ATOSA: variants seen among roughly 807,000 people sequenced by gnomAD.
ATOSA encodes the protein atos homolog protein A.
At chr15:52,602,441 AT>A in the ATOSA span, among the ~76,000 whole-genome samples, 1 of 151,744 alleles carries the variant, frequency 6.6e-6, no homozygotes, top group South Asian at 2.1e-4. Flanking sequence ...GTGCTTTGTA[AT>A]TTTTTTTCCT....
the ATOSA span, among the ~76,000 whole-genome samples, chr15:52,589,850 C>T: frequency 2.0e-5 from 3 of 151,676 alleles, no homozygotes; most frequent in African/African-American, 4.8e-5. Context: ...TGCAGTGACA[C>T]GATCTTGGCT....
the ATOSA span, among the ~76,000 whole-genome samples, chr15:52,640,571 C>CAAAAAAAAA: frequency 6.9e-4 from 19 of 27,570 alleles, 5 homozygotes; most frequent in East Asian, 3.9e-3. Context: ...ACTCAAGTCT[C>CAAAAAAAAA]AAAAAAAAAA....
chr15:52,676,801 AAT>A, the ATOSA span, among the ~76,000 whole-genome samples: 16 of 152,232 alleles, frequency 1.1e-4, no homozygotes, highest in Non-Finnish European at 1.6e-4. Flanking sequence ...ATTCAAAATA[AAT>A]AGTGACTTTG....
chr15:52,650,660 C>A, the ATOSA span, among the ~76,000 whole-genome samples: 3 of 152,084 alleles, frequency 2.0e-5, no homozygotes, highest in African/African-American at 7.2e-5. Flanking sequence ...AAAAGAACAA[C>A]AACAAAACCC....
At chr15:52,670,024 T>G in the ATOSA span, among the ~76,000 whole-genome samples, 29 of 152,198 alleles carry the variant, frequency 1.9e-4, no homozygotes, top group Admixed American at 5.2e-4. Context: ...TTCATTAGGG[T>G]CTACTATCAC....
the ATOSA span, among the ~76,000 whole-genome samples, chr15:52,597,954 T>C: frequency 2.6e-5 from 4 of 152,064 alleles, no homozygotes; most frequent in African/African-American, 7.2e-5. Context: ...GTGAAACTCG[T>C]CTCTACTGAA....
chr15:52,658,320 C>T, the ATOSA span: 2 of 153,516 alleles, frequency 1.3e-5, no homozygotes, highest in African/African-American at 4.8e-5. Context: ...CCTATAACTA[C>T]TGAATATAGC....
the ATOSA span, chr15:52,656,595 A>G: frequency 6.6e-6 from 1 of 152,120 alleles, no homozygotes; most frequent in Non-Finnish European, 1.5e-5. Flanking sequence ...CTTGTTTACC[A>G]AATCTAAGAT....
At chr15:52,696,813 T>G in the ATOSA span, among the ~76,000 whole-genome samples, 2 of 151,668 alleles carry the variant, frequency 1.3e-5, no homozygotes, top group Admixed American at 1.3e-4. Flanking sequence ...CATTATTGGA[T>G]TCCTTTTAAT....
the ATOSA span, among the ~76,000 whole-genome samples, chr15:52,690,946 TG>T: frequency 6.6e-6 from 1 of 152,246 alleles, no homozygotes. Context: ...TGATGCATTC[TG>T]TGATGATCCT....
chr15:52,592,768 C>T, the ATOSA span, among the ~76,000 whole-genome samples: 6 of 152,274 alleles, frequency 3.9e-5, no homozygotes, highest in East Asian at 1.9e-4. Context: ...GGCTGTAGGC[C>T]GGACAAGCTT....
the ATOSA span, among the ~76,000 whole-genome samples, chr15:52,604,482 G>C: frequency 6.6e-6 from 1 of 152,294 alleles, no homozygotes; most frequent in African/African-American, 2.4e-5. Context: ...TTTTAGTTCT[G>C]CTATACAATT....
At chr15:52,641,675 G>A in the ATOSA span, among the ~76,000 whole-genome samples, 9 of 152,284 alleles carry the variant, frequency 5.9e-5, no homozygotes, top group South Asian at 1.0e-3. Flanking sequence ...TGCAAATATA[G>A]GAAGATCAAT....
chr15:52,605,266 A>T, the ATOSA span: 1 of 1,517,928 alleles, frequency 6.6e-7, no homozygotes, highest in South Asian at 1.2e-5. Context: ...AAATAATTAG[A>T]TGTTAATTGT....
At chr15:52,645,325 G>A in the ATOSA span, among the ~76,000 whole-genome samples, 2 of 152,178 alleles carry the variant, frequency 1.3e-5, no homozygotes, top group East Asian at 1.9e-4. Context: ...TGTAATCCCA[G>A]CTACTTGGGA....
the ATOSA span, among the ~76,000 whole-genome samples, chr15:52,598,089 ACTCAGAC>A: frequency 6.6e-6 from 1 of 152,176 alleles, no homozygotes; most frequent in African/African-American, 2.4e-5. Context: ...GCACCATTGC[ACTCAGAC>A]CTGGGGAACA....
At chr15:52,645,270 C>A in the ATOSA span, among the ~76,000 whole-genome samples, 9 of 152,250 alleles carry the variant, frequency 5.9e-5, no homozygotes, top group Admixed American at 2.6e-4. Context: ...GAAACCCCAT[C>A]TCTACCAAAA....
chr15:52,639,239 TATA>T, the ATOSA span, among the ~76,000 whole-genome samples: 1 of 152,216 alleles, frequency 6.6e-6, no homozygotes, highest in African/African-American at 2.4e-5. Context: ...GTGCTAATTC[TATA>T]ATATCATCTG....
chr15:52,591,247 T>C, the ATOSA span, among the ~76,000 whole-genome samples: 5 of 152,232 alleles, frequency 3.3e-5, no homozygotes, highest in Non-Finnish European at 7.3e-5. Flanking sequence ...TTATTTATTT[T>C]GAGATGGAGT....
Sources: gnomAD v4.1 joint callset for allele counts (sites outside exome capture counted in the v4.1 genomes callset) on GRCh38, gnomAD v4.1.1 for gene constraint, MANE v1.5 for transcripts, NCBI Gene and HGNC (gene_info 2026-07-23, HGNC 2026-07-21) for gene names.